Variants in PPFIA2 observed in about 807,000 individuals in gnomAD.
The protein encoded by PPFIA2 is liprin-alpha-2.
In PPFIA2, 46 loss-of-function variants were observed where a neutral mutation model predicts 175.5. That is an observed-to-expected ratio of 0.26 (90% CI 0.21 to 0.34). The LOEUF (loss-of-function observed/expected upper bound fraction) is 0.34, where lower values mean the gene tolerates loss of function less well. Among genes scored for constraint, PPFIA2 ranks in the 10% least tolerant of loss-of-function variants. The pLI is 1.00. For missense variants in PPFIA2, 1,179 were observed against 1,506.1 expected (o/e 0.78, Z 3.60); for synonymous variants, 568 against 511.4 (o/e 1.11, Z -1.49).
chr12:81,409,244 T>C (rs532774108), intron 7 of PPFIA2, among the ~76,000 whole-genome samples: 3 of 152,060 alleles, frequency 2.0e-5, no homozygotes, highest in Non-Finnish European at 4.4e-5. Context: ...CCCAAGCAAA[T>C]TGCCTACAAG....
At chr12:81,468,582 G>A (rs981747490) in intron 4 of PPFIA2, among the ~76,000 whole-genome samples, 1 of 152,130 alleles carries the variant, frequency 6.6e-6, no homozygotes, top group South Asian at 2.1e-4. Flanking sequence ...CATTCGAGCT[G>A]AATATTTAAA....
chr12:81,514,813 T>C (rs1461261111), intron 4 of PPFIA2, among the ~76,000 whole-genome samples: 1 of 151,954 alleles, frequency 6.6e-6, no homozygotes, highest in Non-Finnish European at 1.5e-5. Context: ...TCCACTGTGC[T>C]TTCCTTGATA....
chr12:81,529,839 G>C (rs1342541731), intron 4 of PPFIA2, among the ~76,000 whole-genome samples: 1 of 151,802 alleles, frequency 6.6e-6, no homozygotes, highest in Non-Finnish European at 1.5e-5. Flanking sequence ...GGTGAGAGGT[G>C]AGAGAGGATA....
intron 4 of PPFIA2, among the ~76,000 whole-genome samples, chr12:81,646,280 G>A (rs942471954): frequency 7.9e-5 from 12 of 152,144 alleles, no homozygotes; most frequent in Non-Finnish European, 1.3e-4. Flanking sequence ...AATCATTCAA[G>A]GCAGAGGTCA....
At chr12:81,327,046 A>T (rs2054935516) in intron 21 of PPFIA2, among the ~76,000 whole-genome samples, 1 of 152,082 alleles carries the variant, frequency 6.6e-6, no homozygotes, top group Non-Finnish European at 1.5e-5. Context: ...GCCAAAAGCA[A>T]ATTTTGATGT....
intron 7 of PPFIA2, among the ~76,000 whole-genome samples, chr12:81,417,596 T>C (rs2045535623): frequency 6.6e-6 from 1 of 151,742 alleles, no homozygotes; most frequent in African/African-American, 2.4e-5. Flanking sequence ...TTCTTAGAAA[T>C]AACAAAAGCA....
chr12:81,312,159 C>T, intron 22 of PPFIA2: 1 of 1,534,866 alleles, frequency 6.5e-7, no homozygotes, highest in Non-Finnish European at 8.7e-7. Flanking sequence ...ATTCAACTTA[C>T]CCAGATGTGC....
chr12:81,482,850 T>A (rs1346841603), intron 4 of PPFIA2, among the ~76,000 whole-genome samples: 1 of 152,014 alleles, frequency 6.6e-6, no homozygotes, highest in Non-Finnish European at 1.5e-5. Context: ...GTAACAAACC[T>A]GCAGGTTCTG....
intron 4 of PPFIA2, among the ~76,000 whole-genome samples, chr12:81,519,316 T>G (rs1465561601): frequency 6.6e-6 from 1 of 152,188 alleles, no homozygotes; most frequent in African/African-American, 2.4e-5. Context: ...GGAAGGATAT[T>G]AAAAGACTTG....
chr12:81,750,600 T>A (rs1922542), intron 3 of PPFIA2, among the ~76,000 whole-genome samples: 2 of 151,566 alleles, frequency 1.3e-5, no homozygotes, highest in Non-Finnish European at 2.9e-5. Context: ...GCTAAGAAAC[T>A]TCAGGCCTGG....
intron 4 of PPFIA2, among the ~76,000 whole-genome samples, chr12:81,569,685 G>A (rs1172950644): frequency 3.3e-5 from 5 of 152,066 alleles, no homozygotes; most frequent in Admixed American, 3.3e-4. Context: ...TTGTCATTGT[G>A]GAATTAGGAA....
chr12:81,654,331 A>G (rs2067464712), intron 4 of PPFIA2, among the ~76,000 whole-genome samples: 1 of 152,086 alleles, frequency 6.6e-6, no homozygotes, highest in African/African-American at 2.4e-5. Context: ...TGTAAAATAA[A>G]CAAAACATAA....
intron 4 of PPFIA2, among the ~76,000 whole-genome samples, chr12:81,671,136 T>G (rs2071329940): frequency 6.6e-6 from 1 of 151,908 alleles, no homozygotes; most frequent in South Asian, 2.1e-4. Context: ...AATCCCTCAT[T>G]TCCCCCTTGA....
intron 28 of PPFIA2, among the ~76,000 whole-genome samples, chr12:81,275,356 T>C (rs1213321879): frequency 6.6e-6 from 1 of 152,244 alleles, no homozygotes; most frequent in Non-Finnish European, 1.5e-5. Context: ...CGATGAGACG[T>C]ACGTAGAAAA....
intron 3 of PPFIA2, among the ~76,000 whole-genome samples, chr12:81,718,211 T>C (rs1207062331): frequency 1.3e-5 from 2 of 151,578 alleles, no homozygotes; most frequent in African/African-American, 4.8e-5. Context: ...CAGAGAAAGA[T>C]ATAGGTAGAG....
At chr12:81,409,973 A>T (rs2043626286) in intron 7 of PPFIA2, among the ~76,000 whole-genome samples, 1 of 152,090 alleles carries the variant, frequency 6.6e-6, no homozygotes, top group African/African-American at 2.4e-5. Flanking sequence ...GCTCAATGTG[A>T]TAGTTTTGAG....
chr12:81,500,214 A>C (rs909588202), intron 4 of PPFIA2, among the ~76,000 whole-genome samples: 2 of 152,170 alleles, frequency 1.3e-5, no homozygotes, highest in African/African-American at 4.8e-5. Context: ...ACACAAAAAA[A>C]CTGAGGCAGG....
At chr12:81,666,372 C>A (rs554172527) in intron 4 of PPFIA2, among the ~76,000 whole-genome samples, 1 of 152,264 alleles carries the variant, frequency 6.6e-6, no homozygotes, top group African/African-American at 2.4e-5. Context: ...AAATATCCAA[C>A]AATGATAGAC....
chr12:81,659,494 A>T (rs981378579), intron 4 of PPFIA2, among the ~76,000 whole-genome samples: 9 of 152,188 alleles, frequency 5.9e-5, no homozygotes, highest in Non-Finnish European at 8.8e-5. Context: ...CAAAGTGGCA[A>T]TGAGGCTGGG....
Sources: gnomAD v4.1 joint callset for allele counts (sites outside exome capture counted in the v4.1 genomes callset) on GRCh38, gnomAD v4.1.1 for gene constraint, MANE v1.5 for transcripts, NCBI Gene and HGNC (gene_info 2026-07-23, HGNC 2026-07-21) for gene names.